APPL1: variants seen among roughly 807,000 people sequenced by gnomAD.
APPL1 encodes DCC-interacting protein 13-alpha.
APPL1 carries 42 observed loss-of-function variants against 106.8 expected under a neutral mutation model. The ratio of observed to expected loss-of-function variants is 0.39; its 90% CI spans 0.31 to 0.51. APPL1 has a LOEUF of 0.51. Among genes scored for constraint, APPL1 ranks in the 20% least tolerant of loss-of-function variants. The pLI is 0.75. For missense variants in APPL1, 769 were observed against 858.2 expected (o/e 0.90, Z 1.30); for synonymous variants, 263 against 281.8 (o/e 0.93, Z 0.67).
rs1005694120 is a variant in APPL1 at position 57,228,341 on chromosome 3, A to G, written c.54+404A>G. On this transcript the variant is annotated intron_variant, in intron 1 of 21. Coordinates refer to ENST00000288266, the MANE Select transcript of APPL1 (RefSeq NM_012096.3). This position sits in a 1 kb window ranked among gnomAD's most constrained non-coding sequence, Gnocchi z 4.6. ...AGAGAAACCCCGATAGTCTTATTTA[A>G]TGATTTCCGAGGCTCAGCAAGCTAA... Among the ~76,000 whole-genome samples the G allele has an allele frequency of 6.6e-6, 1 of 152,244 alleles. No homozygotes were observed. Among genetic ancestry groups the G allele is most frequent in the East Asian group, 1.9e-4 (1 of 5,202 alleles).
At chr3:57,265,169 G>C (rs986942974) in intron 19 of APPL1, among the ~76,000 whole-genome samples, 1 of 151,758 alleles carries the variant, frequency 6.6e-6, no homozygotes, top group African/African-American at 2.4e-5. Flanking sequence ...GTTCTTTTGA[G>C]ACAGAGTCTC....
Position 57,249,447 on chromosome 3 carries a change from A to C in APPL1, c.951A>C (p.Val317=). 1 of 1,614,200 alleles carries C rather than the reference A, an allele frequency of 6.2e-7. No homozygotes were observed. The highest frequency in any genetic ancestry group is 8.5e-7 in the Non-Finnish European group (1 of 1,180,024). The change falls in exon 11 of 22, where the codon GTA becomes GTC. Residue 317 remains valine (V), a synonymous_variant. Transcript: ENST00000288266. ...TAATGAGTCAGGCCCGTGGGGATGTAGCAGGAGGCCTGGCCATGGACATAG... is the reference window on the plus strand; with the variant it reads ...TAATGAGTCAGGCCCGTGGGGATGTCGCAGGAGGCCTGGCCATGGACATAG... ...GNLMSQARGD[V]AGGLAMDIDN... is the part of the protein sequence containing the mutation.
In APPL1 at chr3:57,256,928, T is replaced by C. The variant is rs539583706; in HGVS notation, c.1153-29T>C. On this transcript the variant is annotated intron_variant, in intron 13 of 21. Coordinates refer to ENST00000288266, the MANE Select transcript of APPL1 (RefSeq NM_012096.3). ...TTTTGGTTTGCTTACTTTACTAATATTAGTCCTTTTTTAAAAAAATTGAAA... is the reference window on the plus strand; with the variant it reads ...TTTTGGTTTGCTTACTTTACTAATACTAGTCCTTTTTTAAAAAAATTGAAA... 541 of 1,593,436 alleles carry C rather than the reference T, an allele frequency of 3.4e-4. 1 individual carries two copies. The highest frequency in any genetic ancestry group is 4.5e-4 in the Non-Finnish European group (518 of 1,161,802).
intron 1 of APPL1, among the ~76,000 whole-genome samples, chr3:57,231,065 C>G (rs981041129): frequency 2.0e-5 from 3 of 151,634 alleles, no homozygotes; most frequent in Non-Finnish European, 4.4e-5. Flanking sequence ...GAAGACTGGG[C>G]GTGGTGGCTC....
At chr3:57,229,686 G>A (rs2060675923) in intron 1 of APPL1, among the ~76,000 whole-genome samples, 1 of 145,446 alleles carries the variant, frequency 6.9e-6, no homozygotes, top group African/African-American at 2.6e-5. Flanking sequence ...ACAGGCGTGT[G>A]CCACTGTGCC....
At chr3:57,248,831 C>T (rs1241499398) in intron 10 of APPL1, among the ~76,000 whole-genome samples, 1 of 151,994 alleles carries the variant, frequency 6.6e-6, no homozygotes, top group Non-Finnish European at 1.5e-5. Flanking sequence ...GATCCCACCA[C>T]TGCACTCCAG....
Position 57,260,743 on chromosome 3 carries a change from A to G in APPL1, c.1811A>G (p.Tyr604Cys). 1.2e-6 allele frequency: 2 copies of G among 1,610,540 alleles called. No individual in the cohort carries two copies. Among genetic ancestry groups the G allele is most frequent in the South Asian group, 1.1e-5 (1 of 90,528 alleles). The stretch of plus-strand genomic sequence containing the variant: ...GAAAGTAATCTGTCATCAGTCTGCT[A>G]TATATTTGAGTCAAACAATGAGGGG... ...RSESNLSSVC[Y>C]IFESNNEGEK... The change falls in exon 19 of 22, where the codon TAT becomes TGT. Residue 604 changes from tyrosine to cysteine, a missense_variant. By Grantham distance (194) the Tyr-to-Cys change is radical (BLOSUM62 -2). Transcript: ENST00000288266.
Position 57,227,820 on chromosome 3 carries a change from C to T in APPL1, c.-64C>T. ...GCGGGCCGGGGTCAGCTGCGGCGGG[C>T]GGGCCGGCGCGGGGAGCTGTGGGCG... On this transcript the variant is annotated 5_prime_UTR_variant, in exon 1 of 22. Transcript: ENST00000288266. 1.5e-6 allele frequency: 2 copies of T among 1,355,158 alleles called. No homozygotes were observed. The highest frequency in any genetic ancestry group is 1.5e-5 in the South Asian group (1 of 67,480). 83.9% of individuals were successfully genotyped at this position (1,355,158 alleles called of 1,614,324 possible).
chr3:57,247,103 G>A lies in APPL1; in HGVS notation c.622-292G>A, dbSNP rs1322753415. On this transcript the variant is annotated intron_variant, in intron 8 of 21. Transcript: ENST00000288266. ...CATGAAATACTTTATATAATTTATT[G>A]GAAATACTTTAAAATTTATTTTCCA... Among the ~76,000 whole-genome samples, 6 of 151,744 alleles carry A rather than the reference G, an allele frequency of 4.0e-5. No individual in the cohort carries two copies. In the South Asian group the frequency reaches 1.2e-3, roughly 32 times the overall value.
At chr3:57,267,357 G>T (rs1328621595) in intron 19 of APPL1, among the ~76,000 whole-genome samples, 1 of 152,124 alleles carries the variant, frequency 6.6e-6, no homozygotes, top group Non-Finnish European at 1.5e-5. Flanking sequence ...ACTGATAGCT[G>T]GTGCAATCTT....
At chr3:57,248,689 G>A (rs2060787726) in intron 10 of APPL1, among the ~76,000 whole-genome samples, 1 of 152,136 alleles carries the variant, frequency 6.6e-6, no homozygotes, top group Admixed American at 6.6e-5. Flanking sequence ...GGCCAACATG[G>A]TGAAACCCCA....
intron 12 of APPL1, among the ~76,000 whole-genome samples, chr3:57,252,954 TG>T (rs2060813236): frequency 6.6e-6 from 1 of 152,186 alleles, no homozygotes; most frequent in Non-Finnish European, 1.5e-5. Context: ...AGATAAAAGT[TG>T]GAAATGCTAT....
At position 57,260,244 on chromosome 3, in the gene APPL1, A is replaced by C. The variant is rs2060858150; in HGVS notation, c.1695+91A>C. 2.2e-6 allele frequency: 3 copies of C among 1,353,472 alleles called. No individual in the cohort carries two copies. In the African/African-American group the frequency reaches 4.4e-5, roughly 20 times the overall value. 83.8% of individuals were successfully genotyped at this position (1,353,472 alleles called of 1,614,324 possible). A position where few individuals can be genotyped will look rare whatever the true frequency, so the allele number is the denominator to read the frequency against. ...ATAATAATCCTGATCCTGTATATTC[A>C]AGTGTGATAGTATCAGCTATGATTG... is the stretch of plus-strand genomic sequence containing the variant. On this transcript the variant is annotated intron_variant, in intron 18 of 21. Coordinates refer to ENST00000288266, the MANE Select transcript of APPL1 (RefSeq NM_012096.3).
At chr3:57,250,368 G>C (rs997087580) in intron 11 of APPL1, among the ~76,000 whole-genome samples, 5 of 152,074 alleles carry the variant, frequency 3.3e-5, no homozygotes, top group Non-Finnish European at 7.4e-5. Flanking sequence ...TCGAACTCCT[G>C]GACTTAAGTG....
chr3:57,268,276 G>T (rs1418459803), intron 20 of APPL1, 122 bp from the exon 21 acceptor site: 26 of 981,992 alleles, frequency 2.6e-5, no homozygotes, highest in South Asian at 1.9e-5. Context: ...AACTGTTGAT[G>T]TGCTTTCTTA....
chr3:57,248,449 A>G, intron 10 of APPL1, 98 bp downstream of exon 10: 1 of 1,394,754 alleles, frequency 7.2e-7, no homozygotes, highest in Non-Finnish European at 9.6e-7. Context: ...TTTGATTTTT[A>G]TTAAAGGTTG....
intron 19 of APPL1, among the ~76,000 whole-genome samples, chr3:57,266,374 T>C (rs1389666524): frequency 3.3e-5 from 5 of 152,166 alleles, no homozygotes; most frequent in Admixed American, 3.3e-4. Context: ...ATCTTGTTAC[T>C]TGTTATTGGA....
chr3:57,262,193 C>T (rs1023757837), intron 19 of APPL1, among the ~76,000 whole-genome samples: 1 of 151,782 alleles, frequency 6.6e-6, no homozygotes, highest in African/African-American at 2.4e-5. Context: ...ATAATTTCTC[C>T]CATTCAACAG....
At chr3:57,234,243 C>G (rs1415726741) in intron 1 of APPL1, among the ~76,000 whole-genome samples, 1 of 151,228 alleles carries the variant, frequency 6.6e-6, no homozygotes, top group Admixed American at 6.6e-5. Context: ...GTATGTCTAC[C>G]TTGCCTTTGA....
Sources: allele counts gnomAD v4.1 joint callset (sites outside exome capture counted in the v4.1 genomes callset), GRCh38; gene constraint gnomAD v4.1.1; non-coding constraint Gnocchi (gnomAD v3.1); transcripts MANE v1.5; gene names NCBI Gene and HGNC (gene_info 2026-07-23, HGNC 2026-07-21).